Variants in GALNT18 observed in about 807,000 individuals in gnomAD.
GALNT18 encodes GalNAc-transferase 18.
In GALNT18, 44 loss-of-function variants were observed where a neutral mutation model predicts 69.5. That is an observed-to-expected ratio of 0.63 (90% CI 0.50 to 0.81). The LOEUF (loss-of-function observed/expected upper bound fraction) is 0.81, where lower values mean the gene tolerates loss of function less well. GALNT18 is among the 40% of genes least tolerant of loss of function. The pLI, the probability that GALNT18 is intolerant of heterozygous loss-of-function variation, is 0.00. For missense variants in GALNT18, 715 were observed against 810.0 expected, an observed-to-expected ratio of 0.88 and a Z score of 1.42; for synonymous variants, 364 against 318.2, an observed-to-expected ratio of 1.14 and a Z score of -1.53.
At chr11:11,539,478 C>T (rs1243975025) in intron 1 of GALNT18, among the ~76,000 whole-genome samples, 2 of 152,198 alleles carry the variant, frequency 1.3e-5, no homozygotes, top group African/African-American at 4.8e-5. Flanking sequence ...CTGCCCACAA[C>T]CTCCTGCAGG....
Position 11,511,127 on chromosome 11 carries a change from T to C in GALNT18, c.236-62191A>G, listed in dbSNP as rs1202480052. Among the ~76,000 whole-genome samples, 1 of 151,786 alleles carries C rather than the reference T, an allele frequency of 6.6e-6. No homozygotes were observed. The highest frequency in any genetic ancestry group is 1.5e-5 in the Non-Finnish European group (1 of 67,930). On this transcript the variant is annotated intron_variant, in intron 1 of 10. Transcript: ENST00000227756. The surrounding 1 kb of genome is among the most constrained non-coding windows in gnomAD (Gnocchi z 4.9). The stretch of plus-strand genomic sequence containing the variant: ...AGCTGAAGGCCTTCTCTCCCGGGGG[T>C]TGTAAAAACAGGCTGCCCCTCCTTT...
rs199582140 is a variant in GALNT18 at position 11,275,447 on chromosome 11, GA to G, written c.1678-4158del. Among the ~76,000 whole-genome samples the G allele has an allele frequency of 6.8e-3, 1,028 of 152,292 alleles. 14 individuals carry two copies. The highest frequency in any genetic ancestry group is 0.024 in the African/African-American group (983 of 41,548). ...GATTCTGGATATTAGCCCTTTGTCA[GA>G]TGGACAGATTGCCAAAGTTTTCTCT... is the stretch of plus-strand genomic sequence containing the variant. On this transcript the variant is annotated intron_variant, in intron 10 of 10. Transcript: ENST00000227756.
chr11:11,388,470 T>C (rs1415286959), intron 3 of GALNT18, among the ~76,000 whole-genome samples: 3 of 152,240 alleles, frequency 2.0e-5, no homozygotes, highest in Non-Finnish European at 4.4e-5. Flanking sequence ...ACAGTCTCCC[T>C]TTCTTCCTCT....
intron 1 of GALNT18, among the ~76,000 whole-genome samples, chr11:11,450,075 A>G (rs1356009961): frequency 6.9e-6 from 1 of 145,236 alleles, no homozygotes; most frequent in East Asian, 2.9e-4. Context: ...GAAATTGGAC[A>G]GAACTGGCAA....
intron 1 of GALNT18, among the ~76,000 whole-genome samples, chr11:11,580,496 C>T (rs547413464): frequency 6.6e-6 from 1 of 152,360 alleles, no homozygotes; most frequent in South Asian, 2.1e-4. Context: ...ACTCTTCTTC[C>T]TCATTTTTCC....
intron 1 of GALNT18, among the ~76,000 whole-genome samples, chr11:11,520,125 T>C (rs1372569523): frequency 1.3e-5 from 2 of 152,250 alleles, no homozygotes; most frequent in African/African-American, 4.8e-5. Flanking sequence ...CCTTGGGCGA[T>C]GTTTTTAACC....
At chr11:11,352,440 A>G (rs1169970620) in intron 6 of GALNT18, 1 of 1,614,178 alleles carries the variant, frequency 6.2e-7, no homozygotes, top group Admixed American at 1.7e-5. Context: ...CTCCTTCCGA[A>G]AGATCATACT....
intron 1 of GALNT18, among the ~76,000 whole-genome samples, chr11:11,588,584 T>C (rs1169638170): frequency 1.3e-5 from 2 of 152,148 alleles, no homozygotes; most frequent in East Asian, 3.9e-4. Context: ...CCTCATCCTC[T>C]TCCCAAATCT....
rs1413269644 is a variant in GALNT18, at chr11:11,496,091, A to G, written c.236-47155T>C. Reference sequence around the variant, plus strand: ...GTAACTTGTCTAAGGACACACAGCAAAGAATAAGAGCCAGGAGCTTCTTGT... The same window carrying G: ...GTAACTTGTCTAAGGACACACAGCAGAGAATAAGAGCCAGGAGCTTCTTGT... On this transcript the variant is annotated intron_variant, in intron 1 of 10. Coordinates refer to ENST00000227756, the MANE Select transcript of GALNT18 (RefSeq NM_198516.3). This position sits in a 1 kb window ranked among gnomAD's most constrained non-coding sequence, Gnocchi z 4.0. Among the ~76,000 whole-genome samples, 2 of 152,260 alleles carry G rather than the reference A, an allele frequency of 1.3e-5. No individual in the cohort carries two copies. Among genetic ancestry groups the G allele is most frequent in the Non-Finnish European group, 1.5e-5 (1 of 68,040 alleles).
intron 1 of GALNT18, among the ~76,000 whole-genome samples, chr11:11,529,144 A>G (rs936662894): frequency 1.3e-5 from 2 of 152,230 alleles, no homozygotes; most frequent in African/African-American, 4.8e-5. Context: ...ATACCCATTG[A>G]TGCATGAGGT....
rs1190838684 is a variant in GALNT18 at position 11,523,686 on chromosome 11, T to C, written c.236-74750A>G. Among the ~76,000 whole-genome samples, 1 of 148,822 alleles carries C rather than the reference T, an allele frequency of 6.7e-6. No homozygotes were observed. The highest frequency in any genetic ancestry group is 1.5e-5 in the Non-Finnish European group (1 of 67,464). ...GTGAGCCGAGATCGCACCACTGCAC[T>C]CCAGCCTGGGCAACAGAGCGAGACT... On this transcript the variant is annotated intron_variant, in intron 1 of 10. Transcript: ENST00000227756. This position sits in a 1 kb window ranked among gnomAD's most constrained non-coding sequence, Gnocchi z 4.3.
rs1482932728 is a variant in GALNT18, at chr11:11,332,466, T to C, written c.1416+228A>G. Among the ~76,000 whole-genome samples the C allele has an allele frequency of 6.6e-6, 1 of 152,184 alleles. No homozygotes were observed. Among genetic ancestry groups the C allele is most frequent in the Non-Finnish European group, 1.5e-5 (1 of 68,030 alleles). On this transcript the variant is annotated intron_variant, in intron 8 of 10. Coordinates refer to ENST00000227756, the MANE Select transcript of GALNT18 (RefSeq NM_198516.3). The surrounding 1 kb of genome is among the most constrained non-coding windows in gnomAD (Gnocchi z 4.3). ...ATGCAGGTGTGGGGCCAGAGCTGAA[T>C]TGCTTAGGACTATAAAGGAGAGACA... is the stretch of plus-strand genomic sequence containing the variant.
intron 1 of GALNT18, among the ~76,000 whole-genome samples, chr11:11,509,539 T>C (rs557798699): frequency 2.4e-4 from 37 of 152,356 alleles, no homozygotes; most frequent in Admixed American, 1.8e-3. Context: ...CATCATGTGC[T>C]ATGCATGGTA....
At chr11:11,380,407 C>T (rs1451678645) in intron 3 of GALNT18, among the ~76,000 whole-genome samples, 1 of 152,200 alleles carries the variant, frequency 6.6e-6, no homozygotes, top group African/African-American at 2.4e-5. Context: ...TGTTGAACTT[C>T]CCTCTAATTA....
chr11:11,464,440 G>A (rs898577343), intron 1 of GALNT18, among the ~76,000 whole-genome samples: 6 of 152,262 alleles, frequency 3.9e-5, no homozygotes, highest in Middle Eastern at 3.4e-3. Flanking sequence ...TGCACAGCCT[G>A]TCTTGGTCCC....
At chr11:11,316,888 G>T (rs1025970912) in intron 9 of GALNT18, among the ~76,000 whole-genome samples, 2 of 152,196 alleles carry the variant, frequency 1.3e-5, no homozygotes, top group Non-Finnish European at 2.9e-5. Context: ...CCAGGGCAGG[G>T]ACTTGGGCAA....
At position 11,439,644 on chromosome 11, in the gene GALNT18, T is replaced by C. The variant is rs1172849507; in HGVS notation, c.429-6857A>G. Among the ~76,000 whole-genome samples the C allele has an allele frequency of 6.6e-6, 1 of 152,226 alleles. No homozygotes were observed. Among genetic ancestry groups the C allele is most frequent in the Non-Finnish European group, 1.5e-5 (1 of 68,038 alleles). On this transcript the variant is annotated intron_variant, in intron 2 of 10. Transcript: ENST00000227756. The surrounding 1 kb of genome is among the most constrained non-coding windows in gnomAD (Gnocchi z 4.4). ...GGCCGTGTCTGCTTTGCTCATCAGG[T>C]ATCCCTAATACTGGGTATGAAGTTC...
intron 1 of GALNT18, among the ~76,000 whole-genome samples, chr11:11,559,635 G>T (rs545465015): frequency 9.7e-4 from 79 of 81,384 alleles, no homozygotes; most frequent in Non-Finnish European, 1.5e-3. Context: ...AGACATGATG[G>T]GATGGGATGC....
chr11:11,528,215 G>A (rs1026790302), intron 1 of GALNT18, among the ~76,000 whole-genome samples: 6 of 152,228 alleles, frequency 3.9e-5, no homozygotes, highest in Non-Finnish European at 7.3e-5. Context: ...TGGAAATGCA[G>A]AATAATATTG....
Sources: gnomAD v4.1 joint callset for allele counts (sites outside exome capture counted in the v4.1 genomes callset) on GRCh38, gnomAD v4.1.1 for gene constraint, Gnocchi (gnomAD v3.1) non-coding constraint, MANE v1.5 for transcripts, NCBI Gene and HGNC (gene_info 2026-07-23, HGNC 2026-07-21) for gene names.